The following KIF3A variants were observed in gnomAD, a reference collection of about 807,000 sequenced individuals.
The protein encoded by KIF3A is kinesin-like protein KIF3A.
In KIF3A, 27 loss-of-function variants were observed where a neutral mutation model predicts 92.6. That is an observed-to-expected ratio of 0.29 (90% confidence interval 0.21 to 0.40). The LOEUF is 0.40. KIF3A is among the 10% of genes least tolerant of loss of function. The pLI, the probability that KIF3A is intolerant of heterozygous loss-of-function variation, is 1.00. For synonymous variants in KIF3A, 250 were observed against 275.4 expected (o/e 0.91, Z 0.92); for missense variants, 581 against 872.6 (o/e 0.67, Z 4.21).
chr5:132,726,266 T>G (rs753447089), intron 3 of KIF3A, 54 bp from the exon 4 acceptor site: 146 of 1,578,562 alleles, frequency 9.2e-5, no homozygotes, highest in Non-Finnish European at 1.2e-4. Context: ...TAAGAACGGT[T>G]TTAAAATATG....
chr5:132,731,319 C>T (rs1359784609), intron 2 of KIF3A, among the ~76,000 whole-genome samples: 1 of 152,106 alleles, frequency 6.6e-6, no homozygotes, highest in Non-Finnish European at 1.5e-5. Context: ...AATAATGCAT[C>T]ATGACCAAGT....
rs778437226 is a variant in KIF3A, at chr5:132,700,182, G to GTGTTT, written c.2007+29_2007+33dup. The GTGTTT allele has an allele frequency of 3.5e-6, 4 of 1,148,174 alleles. No homozygotes were observed. The South Asian group carries it at 5.4e-5, about 15-fold the overall frequency. The allele number at this position is 1,148,174 out of a possible 1,614,324, so 71.1% of individuals were successfully genotyped here. ...CCTATAAAGAAACAACAGTAGTTTT[G>GTGTTT]TGTTTTGTTTTGTTTTTTTTTAAGT... On this transcript the variant is annotated intron_variant, in intron 17 of 18. Coordinates refer to ENST00000403231, the MANE Select transcript of KIF3A (RefSeq NM_001300791.2).
intron 6 of KIF3A, 151 bp from the exon 7 acceptor site, chr5:132,716,593 G>A (rs998949585): frequency 3.9e-6 from 3 of 779,048 alleles, no homozygotes; most frequent in African/African-American, 3.5e-5. Flanking sequence ...AAGAAGTGGG[G>A]GAGAGTACAT....
chr5:132,707,461 T>C (rs1448913327), intron 10 of KIF3A, among the ~76,000 whole-genome samples: 1 of 149,762 alleles, frequency 6.7e-6, no homozygotes. Flanking sequence ...ACTCATTTCA[T>C]AACATACTTT....
At chr5:132,704,838 A>C (rs951927374) in intron 11 of KIF3A, among the ~76,000 whole-genome samples, 1 of 151,956 alleles carries the variant, frequency 6.6e-6, no homozygotes, top group African/African-American at 2.4e-5. Flanking sequence ...AAAAATAATT[A>C]TGATGGAGAT....
chr5:132,719,474 T>G (rs928873677), intron 5 of KIF3A, among the ~76,000 whole-genome samples: 2 of 152,134 alleles, frequency 1.3e-5, no homozygotes, highest in African/African-American at 4.8e-5. Context: ...TCATTTCCTA[T>G]TTCTCATCTT....
chr5:132,701,768 A>AC (rs1395483753), intron 15 of KIF3A, among the ~76,000 whole-genome samples: 3 of 152,092 alleles, frequency 2.0e-5, no homozygotes, highest in African/African-American at 7.2e-5. Context: ...AAGAATCAGC[A>AC]CCCACAGCAG....
At chr5:132,728,342 G>A (rs981040635) in intron 2 of KIF3A, among the ~76,000 whole-genome samples, 1 of 151,934 alleles carries the variant, frequency 6.6e-6, no homozygotes, top group Non-Finnish European at 1.5e-5. Flanking sequence ...AAATAGCTGG[G>A]ATTACAGGTG....
intron 8 of KIF3A, among the ~76,000 whole-genome samples, chr5:132,712,496 A>G (rs1753462174): frequency 6.6e-6 from 1 of 152,266 alleles, no homozygotes; most frequent in South Asian, 2.1e-4. Flanking sequence ...TCCATACAAT[A>G]GAATCCTAAA....
chr5:132,736,747 G>A (rs919616661), intron 1 of KIF3A: 2 of 465,644 alleles, frequency 4.3e-6, no homozygotes, highest in Admixed American at 2.4e-5. Flanking sequence ...ATAATTATCC[G>A]AGGCCTCACA....
In KIF3A at chr5:132,716,834, C is replaced by T. The variant is rs1315052746; in HGVS notation, c.756+11G>A. Reference sequence around the variant, plus strand: ...AAAGAGTTATTCCTTAAGCAGTGTCCTGTTACTTACAGCAAGATCTACAAG... The same window carrying T: ...AAAGAGTTATTCCTTAAGCAGTGTCTTGTTACTTACAGCAAGATCTACAAG... On this transcript the variant is annotated intron_variant, in intron 6 of 18. Transcript: ENST00000403231. The T allele has an allele frequency of 6.2e-7, 1 of 1,612,820 alleles. No homozygotes were observed. Among genetic ancestry groups the T allele is most frequent in the Admixed American group, 1.7e-5 (1 of 59,710 alleles).
At chr5:132,716,005 C>T in intron 7 of KIF3A, 74 bp from the exon 8 acceptor site, 1 of 1,102,654 alleles carries the variant, frequency 9.1e-7, no homozygotes, top group South Asian at 1.6e-5. Context: ...ATTACAAATA[C>T]ATCAAAAACA....
rs781045907 is a variant in KIF3A at position 132,702,159 on chromosome 5, G to A, written c.1812C>T (p.Asn604=). ...GAAGCTCCCGGCTAAGTTGCCGAAT[G>A]TTCTCCAGTAGGCCTTCAATTTCCC... The part of the protein sequence containing the change: ...HQREIEGLLE[N]IRQLSRELRL... The change falls in exon 15 of 19, where the codon AAC becomes AAT. Residue 604 remains asparagine (N), a synonymous_variant. Coordinates refer to ENST00000403231, the MANE Select transcript of KIF3A (RefSeq NM_001300791.2). The A allele has an allele frequency of 1.2e-6, 2 of 1,613,764 alleles. No individual in the cohort carries two copies. The highest frequency in any genetic ancestry group is 1.7e-6 in the Non-Finnish European group (2 of 1,179,724).
At chr5:132,688,891 T>C (rs1369707501), downstream of KIF3A, among the ~76,000 whole-genome samples, 1 of 152,150 alleles carries the variant, frequency 6.6e-6, no homozygotes, top group African/African-American at 2.4e-5. Flanking sequence ...AAGCCTTTGA[T>C]TAAAAACTAA....
At chr5:132,734,693 A>T (rs150859218) in intron 1 of KIF3A, among the ~76,000 whole-genome samples, 1 of 152,358 alleles carries the variant, frequency 6.6e-6, no homozygotes, top group East Asian at 1.9e-4. Context: ...TTTAAAATGT[A>T]AAAGGGAGAG....
Position 132,737,470 on chromosome 5 carries a change from G to C in KIF3A, c.-51C>G. The C allele has an allele frequency of 6.3e-7, 1 of 1,594,366 alleles. No individual in the cohort carries two copies. Among genetic ancestry groups the C allele is most frequent in the Non-Finnish European group, 8.5e-7 (1 of 1,171,106 alleles). ...ACGTCCCCGCCCGGGGTGCAGCCCAGCGACACCGGGTGCGCAGAAAGGATG... is the reference window on the plus strand; with the variant it reads ...ACGTCCCCGCCCGGGGTGCAGCCCACCGACACCGGGTGCGCAGAAAGGATG... On this transcript the variant is annotated 5_prime_UTR_variant, in exon 1 of 19. Transcript: ENST00000403231.
chr5:132,689,558 C>T (rs1365509508), downstream of KIF3A: 1 of 152,180 alleles, frequency 6.6e-6, no homozygotes, highest in Non-Finnish European at 1.5e-5. Flanking sequence ...AGAAAATAGT[C>T]TGATATAATA....
chr5:132,727,579 T>C (rs1004562278), intron 2 of KIF3A, among the ~76,000 whole-genome samples: 38 of 152,274 alleles, frequency 2.5e-4, no homozygotes, highest in African/African-American at 6.5e-4. Context: ...AAAGGGAAGA[T>C]GGATGCAGGC....
chr5:132,699,219 T>C lies in KIF3A; in HGVS notation c.2084A>G (p.Glu695Gly). The change falls in exon 18 of 19, where the codon GAA (glutamate) becomes GGA (glycine). Residue 695 changes from glutamate (E) to glycine (G), a missense_variant. Physicochemically the swap from Glu to Gly is moderately conservative, Grantham distance 98 (BLOSUM62 -2). Transcript: ENST00000403231. ...TTTCCCCTTTGAAGTTCGTGGTCTT[T>C]CTAGTTTCATCAAAGACTGACGCAG... Reference protein sequence around the residue: ...ESLRQSLMKLERPRTSKGKAR... With the variant: ...ESLRQSLMKLGRPRTSKGKAR... The C allele has an allele frequency of 6.2e-7, 1 of 1,614,048 alleles. No homozygotes were observed. Among genetic ancestry groups the C allele is most frequent in the Non-Finnish European group, 8.5e-7 (1 of 1,179,922 alleles).
Sources: allele counts gnomAD v4.1 joint callset (sites outside exome capture counted in the v4.1 genomes callset), GRCh38; gene constraint gnomAD v4.1.1; transcripts MANE v1.5; gene names NCBI Gene and HGNC (gene_info 2026-07-23, HGNC 2026-07-21).